Variants in UBE2E1 observed in about 807,000 individuals in gnomAD.
The protein encoded by UBE2E1 is ubiquitin-conjugating enzyme E2 E1.
UBE2E1 carries 6 observed loss-of-function variants against 21.4 expected under a neutral mutation model. The ratio of observed to expected loss-of-function variants is 0.28; its 90% CI spans 0.15 to 0.55. The LOEUF (loss-of-function observed/expected upper bound fraction) is 0.55, where lower values mean the gene tolerates loss of function less well. UBE2E1 is among the 20% of genes least tolerant of loss of function. UBE2E1 has a pLI of 0.93. For synonymous variants in UBE2E1, 87 were observed against 82.7 expected (o/e 1.05, Z -0.28); for missense variants, 142 against 236.5 (o/e 0.60, Z 2.62).
At chr3:23,849,910 T>C (rs754499984) in intron 3 of UBE2E1, among the ~76,000 whole-genome samples, 2 of 152,180 alleles carry the variant, frequency 1.3e-5, no homozygotes, top group Non-Finnish European at 2.9e-5. Flanking sequence ...TTTCTGGCTC[T>C]AGATCCTTGA....
chr3:23,826,885 A>G (rs1034031276), intron 3 of UBE2E1, among the ~76,000 whole-genome samples: 1 of 152,182 alleles, frequency 6.6e-6, no homozygotes, highest in African/African-American at 2.4e-5. Context: ...TATAAAAATG[A>G]CTTATAAAAT....
intron 3 of UBE2E1, among the ~76,000 whole-genome samples, chr3:23,859,883 GGTTT>G (rs1356466275): frequency 6.6e-6 from 1 of 152,008 alleles, no homozygotes; most frequent in East Asian, 1.9e-4. Context: ...TATTTTTATT[GGTTT>G]ATTATATTAT....
At chr3:23,845,589 C>CTGTGTGTGTGTGTGTGTGTGTG (rs377458829) in intron 3 of UBE2E1, among the ~76,000 whole-genome samples, 22 of 121,348 alleles carry the variant, frequency 1.8e-4, no homozygotes, top group South Asian at 3.2e-4. Context: ...CTCTCTCTCT[C>CTGTGTGTGTGTGTGTGTGTGTG]TGTGTGTGTG....
At chr3:23,889,991 A>T (rs1236609824) in intron 5 of UBE2E1, among the ~76,000 whole-genome samples, 1 of 152,182 alleles carries the variant, frequency 6.6e-6, no homozygotes, top group Non-Finnish European at 1.5e-5. Context: ...AAAGATCCTA[A>T]GATTCAGAGA....
At chr3:23,821,122 T>G (rs1008388059) in intron 3 of UBE2E1, among the ~76,000 whole-genome samples, 2 of 152,242 alleles carry the variant, frequency 1.3e-5, no homozygotes, top group African/African-American at 4.8e-5. Context: ...AAAACAGACC[T>G]GGCCTCTGGC....
rs539961084 is a variant in UBE2E1, at chr3:23,808,466, A to T, written c.152+1045A>T. Among the ~76,000 whole-genome samples the T allele has an allele frequency of 6.6e-6, 1 of 152,312 alleles. No individual in the cohort carries two copies. Among genetic ancestry groups the T allele is most frequent in the East Asian group, 1.9e-4 (1 of 5,192 alleles). On this transcript the variant is annotated intron_variant, in intron 2 of 5. Transcript: ENST00000306627. The surrounding 1 kb of genome is among the most constrained non-coding windows in gnomAD (Gnocchi z 4.9). ...ATGGGATAGGGATACCCTTCTTAAA[A>T]ATTTTTAAAATAAAGTAGAACATGA... is the stretch of plus-strand genomic sequence containing the variant.
intron 3 of UBE2E1, among the ~76,000 whole-genome samples, chr3:23,839,851 T>G (rs1197773738): frequency 1.3e-5 from 2 of 152,200 alleles, no homozygotes; most frequent in Non-Finnish European, 2.9e-5. Context: ...TGGCTACTTT[T>G]AAGAATTACT....
chr3:23,828,450 A>T (rs764133762), intron 3 of UBE2E1, among the ~76,000 whole-genome samples: 1 of 152,270 alleles, frequency 6.6e-6, no homozygotes, highest in Admixed American at 6.5e-5. Context: ...AGGTATTTAA[A>T]TCTATGAGAA....
intron 4 of UBE2E1, among the ~76,000 whole-genome samples, chr3:23,888,043 GCACCT>G (rs1284115870): frequency 1.3e-5 from 2 of 152,144 alleles, no homozygotes; most frequent in African/African-American, 4.8e-5. Context: ...GCAGTGGTGT[GCACCT>G]GTAGTCCAGC....
chr3:23,815,118 C>G (rs955098949), intron 3 of UBE2E1, among the ~76,000 whole-genome samples: 1 of 152,100 alleles, frequency 6.6e-6, no homozygotes, highest in East Asian at 1.9e-4. Context: ...GTAGCAGGAA[C>G]TACAGGCGTT....
chr3:23,828,737 C>T lies in UBE2E1; in HGVS notation c.203+17227C>T, dbSNP rs1699806118. On this transcript the variant is annotated intron_variant, in intron 3 of 5. Transcript: ENST00000306627. ...AACGTTACATAGCTACTGAACAAGACATTATATAAAGGTTCGTTAATGACC... is the reference window on the plus strand; with the variant it reads ...AACGTTACATAGCTACTGAACAAGATATTATATAAAGGTTCGTTAATGACC... 3.3e-5 allele frequency among the ~76,000 whole-genome samples: 5 copies of T among 152,184 alleles called. No homozygotes were observed. The South Asian group carries it at 1.0e-3, about 31-fold the overall frequency.
At chr3:23,890,425 G>A (rs1286118265) in intron 5 of UBE2E1, 84 bp from the exon 6 acceptor site, 12 of 1,298,192 alleles carry the variant, frequency 9.2e-6, no homozygotes, top group African/African-American at 2.9e-5. Flanking sequence ...TTTGTCGTAC[G>A]TATCTACCCA....
At chr3:23,832,208 A>T (rs1433745337) in intron 3 of UBE2E1, among the ~76,000 whole-genome samples, 5 of 152,258 alleles carry the variant, frequency 3.3e-5, no homozygotes, top group African/African-American at 7.2e-5. Context: ...AAAGGGAAAT[A>T]AAAACAGAAT....
chr3:23,871,288 C>T (rs112229146), intron 3 of UBE2E1, among the ~76,000 whole-genome samples: 519 of 35,254 alleles, frequency 0.015, 2 homozygotes, highest in Middle Eastern at 0.048. Context: ...CCGGACTGGG[C>T]GGCTGGCCGG....
chr3:23,878,902 A>C (rs1308831727), intron 3 of UBE2E1: 1 of 351,318 alleles, frequency 2.8e-6, no homozygotes, highest in Non-Finnish European at 5.6e-6. Context: ...AATCATCCCA[A>C]ACCATCCCAC....
At chr3:23,869,924 CA>C (rs1700748356) in intron 3 of UBE2E1, among the ~76,000 whole-genome samples, 3 of 152,078 alleles carry the variant, frequency 2.0e-5, no homozygotes, top group South Asian at 2.1e-4. Context: ...ATATTCTAAA[CA>C]AAAACCACTA....
At chr3:23,825,554 A>G (rs1699740239) in intron 3 of UBE2E1, among the ~76,000 whole-genome samples, 2 of 152,240 alleles carry the variant, frequency 1.3e-5, no homozygotes, top group African/African-American at 4.8e-5. Context: ...AAACAGTACC[A>G]AGAAATTAAA....
chr3:23,879,001 T>C (rs1281049679), intron 3 of UBE2E1: 3 of 484,208 alleles, frequency 6.2e-6, no homozygotes, highest in Admixed American at 4.6e-5. Context: ...TCTCCTATGA[T>C]TGCACAGGTA....
chr3:23,861,885 A>G (rs1655812741), intron 3 of UBE2E1, among the ~76,000 whole-genome samples: 1 of 152,212 alleles, frequency 6.6e-6, no homozygotes, highest in African/African-American at 2.4e-5. Context: ...ATGTGATCCT[A>G]TTCTTCTGGT....
Sources: gnomAD v4.1 joint callset for allele counts (sites outside exome capture counted in the v4.1 genomes callset) on GRCh38, gnomAD v4.1.1 for gene constraint, Gnocchi (gnomAD v3.1) non-coding constraint, MANE v1.5 for transcripts, NCBI Gene and HGNC (gene_info 2026-07-23, HGNC 2026-07-21) for gene names.